PLCB1: variants seen among roughly 807,000 people sequenced by gnomAD.
PLCB1 encodes the protein 1-phosphatidylinositol 4,5-bisphosphate phosphodiesterase beta-1.
In PLCB1, 46 loss-of-function variants were observed where a neutral mutation model predicts 161.8. The observed-to-expected ratio is 0.28, with a 90% confidence interval of 0.22 to 0.36. The LOEUF (loss-of-function observed/expected upper bound fraction) is 0.36. Ranked by LOEUF, PLCB1 falls within the 10% of genes least tolerant of loss-of-function variation. PLCB1 has a pLI of 1.00. For missense variants in PLCB1, 1,016 were observed against 1,472.5 expected, an observed-to-expected ratio of 0.69 and a Z score of 5.07; for synonymous variants, 517 against 503.7, an observed-to-expected ratio of 1.03 and a Z score of -0.35.
intron 2 of PLCB1, among the ~76,000 whole-genome samples, chr20:8,311,432 A>G (rs1438556139): frequency 2.6e-5 from 4 of 152,174 alleles, no homozygotes; most frequent in East Asian, 3.8e-4. Context: ...CTCTGCATTC[A>G]TTTATAGTTT....
At chr20:8,507,963 G>T (rs766428246) in intron 3 of PLCB1, among the ~76,000 whole-genome samples, 9 of 152,044 alleles carry the variant, frequency 5.9e-5, no homozygotes, top group Non-Finnish European at 1.3e-4. Context: ...TCCAAATTAG[G>T]CTTTTGCAGC....
intron 2 of PLCB1, among the ~76,000 whole-genome samples, chr20:8,192,524 T>TA (rs1555789188): frequency 6.6e-6 from 1 of 151,626 alleles, no homozygotes; most frequent in Admixed American, 6.6e-5. Context: ...TTTTTTTTTT[T>TA]AAGAATGCAA....
chr20:8,466,383 T>G (rs1981823354), intron 3 of PLCB1, among the ~76,000 whole-genome samples: 1 of 147,458 alleles, frequency 6.8e-6, no homozygotes, highest in African/African-American at 2.5e-5. Flanking sequence ...AGATGACGAG[T>G]TAGTGGGTGC....
chr20:8,436,192 C>T (rs1243798264), intron 3 of PLCB1, among the ~76,000 whole-genome samples: 1 of 151,886 alleles, frequency 6.6e-6, no homozygotes, highest in African/African-American at 2.4e-5. Flanking sequence ...AAAAAGTTAG[C>T]CAGGCATGGT....
intron 9 of PLCB1, among the ~76,000 whole-genome samples, chr20:8,683,322 C>T (rs1160494937): frequency 2.0e-5 from 3 of 151,720 alleles, no homozygotes; most frequent in South Asian, 2.1e-4. Flanking sequence ...TTTTTTCTCT[C>T]TGTTTATCTC....
chr20:8,237,088 C>T (rs1481107118), intron 2 of PLCB1, among the ~76,000 whole-genome samples: 1 of 151,914 alleles, frequency 6.6e-6, no homozygotes, highest in Non-Finnish European at 1.5e-5. Flanking sequence ...AGTCCTCAAG[C>T]CCTTTAATTC....
intron 2 of PLCB1, among the ~76,000 whole-genome samples, chr20:8,227,116 G>A (rs961402986): frequency 7.2e-5 from 11 of 151,882 alleles, no homozygotes; most frequent in African/African-American, 2.2e-4. Flanking sequence ...TTTTGGGAAG[G>A]AATGGGTACA....
intron 3 of PLCB1, among the ~76,000 whole-genome samples, chr20:8,566,938 G>A (rs763211784): frequency 1.1e-4 from 16 of 151,936 alleles, no homozygotes; most frequent in Non-Finnish European, 2.2e-4. Context: ...TGTTCTTGAG[G>A]GTTCCTTGTG....
intron 10 of PLCB1, among the ~76,000 whole-genome samples, chr20:8,692,267 C>G (rs6118293): frequency 0.076 from 11,506 of 152,228 alleles, 526 homozygotes; most frequent in African/African-American, 0.12. Flanking sequence ...CTGTACCCTT[C>G]CCAGTCATCT....
intron 2 of PLCB1, among the ~76,000 whole-genome samples, chr20:8,251,485 G>C (rs1981143194): frequency 6.6e-6 from 1 of 151,880 alleles, no homozygotes; most frequent in South Asian, 2.1e-4. Flanking sequence ...ATGGTCAAAA[G>C]CATGAAGACC....
chr20:8,226,286 TGCTGCTTTCTCTCCACTA>T (rs1358096703), intron 2 of PLCB1, among the ~76,000 whole-genome samples: 7 of 152,150 alleles, frequency 4.6e-5, no homozygotes, highest in African/African-American at 1.7e-4. Flanking sequence ...GTGCACTCCC[TGCTGCTTTCTCTCCACTA>T]GCTGTAGTGT....
At chr20:8,155,246 T>C (rs2051547138) in intron 2 of PLCB1, among the ~76,000 whole-genome samples, 1 of 152,222 alleles carries the variant, frequency 6.6e-6, no homozygotes, top group Non-Finnish European at 1.5e-5. Flanking sequence ...CGTGATCCTA[T>C]ATTAGAGATT....
chr20:8,881,789 T>A lies in PLCB1; in HGVS notation c.3591T>A (p.Thr1197=). 6.2e-7 allele frequency: 1 copy of A among 1,613,992 alleles called. No individual in the cohort carries two copies. Among genetic ancestry groups the A allele is most frequent in the Non-Finnish European group, 8.5e-7 (1 of 1,179,950 alleles). Residue 1197 remains threonine, a synonymous_variant, in exon 32 of 32, where the codon ACT becomes ACA. Coordinates refer to ENST00000338037, the MANE Select transcript of PLCB1 (RefSeq NM_015192.4). ...ACCCTGGAAAAGTGAACCACAAGAC[T>A]CCCTCCAGTGAGGAGCTGGGAGGAG... is the stretch of plus-strand genomic sequence containing the variant. ...SSDPGKVNHK[T]PSSEELGGDI...
chr20:8,861,030 A>G (rs1358664681), intron 31 of PLCB1, among the ~76,000 whole-genome samples: 2 of 152,228 alleles, frequency 1.3e-5, no homozygotes, highest in East Asian at 1.9e-4. Flanking sequence ...ATAAATATAC[A>G]TATTTTAGGG....
At chr20:8,680,816 A>T (rs904491110) in intron 9 of PLCB1, among the ~76,000 whole-genome samples, 1 of 151,926 alleles carries the variant, frequency 6.6e-6, no homozygotes. Context: ...TATACTAAAA[A>T]TTCTGTTAAA....
chr20:8,356,774 C>T (rs539107181), intron 2 of PLCB1, among the ~76,000 whole-genome samples: 5 of 152,084 alleles, frequency 3.3e-5, no homozygotes, highest in Admixed American at 6.5e-5. Flanking sequence ...TAGGTTTTTA[C>T]GATGGGGCCT....
intron 2 of PLCB1, among the ~76,000 whole-genome samples, chr20:8,366,656 A>G (rs570476695): frequency 3.5e-4 from 54 of 152,348 alleles, no homozygotes; most frequent in Admixed American, 9.8e-4. Context: ...TGACAAAAAG[A>G]GAGGGCATAT....
At chr20:8,563,339 C>A (rs747435581) in intron 3 of PLCB1, among the ~76,000 whole-genome samples, 1 of 152,024 alleles carries the variant, frequency 6.6e-6, no homozygotes, top group African/African-American at 2.4e-5. Flanking sequence ...TAGTTCCCAT[C>A]TATAGACAGG....
chr20:8,866,316 A>G (rs1191473146), intron 31 of PLCB1, among the ~76,000 whole-genome samples: 1 of 152,200 alleles, frequency 6.6e-6, no homozygotes, highest in Non-Finnish European at 1.5e-5. Context: ...TTGCCTTGTT[A>G]AAGACTTTAG....
Sources: gnomAD v4.1 joint callset for allele counts (sites outside exome capture counted in the v4.1 genomes callset) on GRCh38, gnomAD v4.1.1 for gene constraint, MANE v1.5 for transcripts, NCBI Gene and HGNC (gene_info 2026-07-23, HGNC 2026-07-21) for gene names.